Variants in ACTN4 observed in about 807,000 individuals in gnomAD.
ACTN4 encodes the protein actinin alpha 4, also known as alpha-actinin-4.
Under a neutral mutation model 114.2 loss-of-function variants are expected in ACTN4, and 18 were observed. The observed-to-expected ratio is 0.16, with a 90% CI of 0.11 to 0.23. The LOEUF (loss-of-function observed/expected upper bound fraction) is 0.23, where lower values mean the gene tolerates loss of function less well. Among genes scored for constraint, ACTN4 ranks in the 10% least tolerant of loss-of-function variants. ACTN4 has a pLI of 1.00. For missense variants in ACTN4, 722 were observed against 1,262.9 expected, an observed-to-expected ratio of 0.57 and a Z score of 6.49; for synonymous variants, 515 against 506.3, an observed-to-expected ratio of 1.02 and a Z score of -0.23.
chr19:38,701,139 C>T lies in ACTN4; in HGVS notation c.397+18C>T. On this transcript the variant is annotated intron_variant, in intron 3 of 20. Transcript: ENST00000252699. ...GGCAGAAGGTGAGCTGGAGGTGGGG[C>T]AGCGAGGGTCCTGCTCGGTTTCTGA... 6.2e-7 allele frequency: 1 copy of T among 1,613,660 alleles called. No homozygotes were observed.
At chr19:38,701,395 G>A (rs755085514) in intron 3 of ACTN4, among the ~76,000 whole-genome samples, 8 of 152,184 alleles carry the variant, frequency 5.3e-5, no homozygotes, top group Non-Finnish European at 7.4e-5. Flanking sequence ...TTCTGCAGGG[G>A]GAGGAATGGT....
chr19:38,700,817 G>T (rs1309582466), intron 2 of ACTN4, 103 bp downstream of exon 2: 9 of 1,383,466 alleles, frequency 6.5e-6, no homozygotes, highest in African/African-American at 2.9e-5. Context: ...TGCTCCTGGG[G>T]AGGAGAGGGC....
intron 12 of ACTN4, 27 bp downstream of exon 12, chr19:38,721,715 T>A (rs1209346451): frequency 4.4e-6 from 7 of 1,608,794 alleles, no homozygotes; most frequent in Non-Finnish European, 5.9e-6. Context: ...GACACTATCA[T>A]CACCTGGCTC....
chr19:38,721,389 G>A, intron 11 of ACTN4, 149 bp from the exon 12 acceptor site: 1 of 970,614 alleles, frequency 1.0e-6, no homozygotes, highest in Non-Finnish European at 1.6e-6. Context: ...TACGGAAGAA[G>A]ATTCTGGAAG....
chr19:38,705,402 C>T (rs573025185), intron 4 of ACTN4, among the ~76,000 whole-genome samples: 6 of 152,272 alleles, frequency 3.9e-5, no homozygotes, highest in African/African-American at 1.4e-4. Flanking sequence ...TGAAACTTGG[C>T]CCCCATGGAC....
chr19:38,718,211 G>T, intron 11 of ACTN4, 137 bp downstream of exon 11: 1 of 1,425,998 alleles, frequency 7.0e-7, no homozygotes, highest in Non-Finnish European at 9.6e-7. Flanking sequence ...TTGCTGCTTG[G>T]GAGCATGTGT....
intron 6 of ACTN4, among the ~76,000 whole-genome samples, chr19:38,708,762 A>C (rs913102321): frequency 2.0e-5 from 3 of 152,200 alleles, no homozygotes; most frequent in Non-Finnish European, 2.9e-5. Context: ...GCTGCGGAGG[A>C]GGCTAGTGTA....
intron 1 of ACTN4, among the ~76,000 whole-genome samples, chr19:38,699,854 G>A (rs752264596): frequency 2.0e-5 from 3 of 152,128 alleles, no homozygotes; most frequent in Non-Finnish European, 4.4e-5. Context: ...GAAGCCAGGC[G>A]ACACAGGCGT....
rs1968403094 is a variant in ACTN4, at chr19:38,704,856, G to A, written c.398-78G>A. ...GCCTTTCTCTAGATGGGGCTGGAAG[G>A]CCACCTTCAGGTTGGGCGGAGGAGC... On this transcript the variant is annotated intron_variant, in intron 3 of 20. Coordinates refer to ENST00000252699, the MANE Select transcript of ACTN4 (RefSeq NM_004924.6). 24 of 1,363,412 alleles carry A rather than the reference G, an allele frequency of 1.8e-5. No individual in the cohort carries two copies. In the South Asian group the frequency reaches 2.7e-4, roughly 15 times the overall value. The allele number at this position is 1,363,412 out of a possible 1,614,324, so 84.5% of individuals were successfully genotyped here. A position where few individuals can be genotyped will look rare whatever the true frequency, so the allele number is the denominator to read the frequency against.
intron 12 of ACTN4, among the ~76,000 whole-genome samples, chr19:38,722,262 G>C (rs1372123194): frequency 6.6e-6 from 1 of 152,214 alleles, no homozygotes; most frequent in Non-Finnish European, 1.5e-5. Flanking sequence ...GCGGCCAGCA[G>C]CAGGGCGGGC....
At chr19:38,719,007 C>G (rs1237499424) in intron 11 of ACTN4, among the ~76,000 whole-genome samples, 1 of 152,256 alleles carries the variant, frequency 6.6e-6, no homozygotes, top group East Asian at 1.9e-4. Flanking sequence ...CACCTCCCAT[C>G]CCTTCCCAGA....
intron 12 of ACTN4, 88 bp downstream of exon 12, chr19:38,721,776 G>A: frequency 2.5e-6 from 4 of 1,571,566 alleles, no homozygotes; most frequent in South Asian, 1.1e-5. Context: ...GGCCCAGCCT[G>A]CCTCAAGGCC....
At chr19:38,701,561 A>G (rs1006292559) in intron 3 of ACTN4, among the ~76,000 whole-genome samples, 2 of 152,304 alleles carry the variant, frequency 1.3e-5, no homozygotes, top group Middle Eastern at 3.4e-3. Flanking sequence ...CATGTCAGGC[A>G]TTGGGACAGG....
intron 1 of ACTN4, among the ~76,000 whole-genome samples, chr19:38,662,269 G>C (rs79915474): frequency 6.6e-6 from 1 of 152,290 alleles, no homozygotes; most frequent in African/African-American, 2.4e-5. Context: ...AGGGAGCTCT[G>C]GGCTATTGAT....
intron 1 of ACTN4, among the ~76,000 whole-genome samples, chr19:38,670,213 C>CA (rs1967086924): frequency 6.6e-6 from 1 of 152,188 alleles, no homozygotes; most frequent in South Asian, 2.1e-4. Context: ...TTGGGGATCA[C>CA]GTAACACCCT....
chr19:38,722,422 C>T (rs1318868495), intron 12 of ACTN4, among the ~76,000 whole-genome samples: 1 of 152,178 alleles, frequency 6.6e-6, no homozygotes, highest in African/African-American at 2.4e-5. Context: ...ACCACAGTCA[C>T]CCCCAAAGGT....
At chr19:38,668,860 C>T (rs978631832) in intron 1 of ACTN4, among the ~76,000 whole-genome samples, 1 of 152,090 alleles carries the variant, frequency 6.6e-6, no homozygotes, top group Non-Finnish European at 1.5e-5. Flanking sequence ...CCAATGTGCT[C>T]TGTGTGTCTC....
At position 38,730,827 on chromosome 19, in the gene ACTN4, C is replaced by T; in HGVS notation, c.*1395C>T. ...TCTTGCTCAGCAACCCTGCCCTGAG[C>T]AGCAGGTGCGCCCATCCGGAGATCC... On this transcript the variant is annotated 3_prime_UTR_variant, in exon 21 of 21. Transcript: ENST00000252699. 2.6e-6 allele frequency: 4 copies of T among 1,550,604 alleles called. No individual in the cohort carries two copies. Among genetic ancestry groups the T allele is most frequent in the Non-Finnish European group, 3.5e-6 (4 of 1,147,068 alleles).
rs1248372969 is a variant in ACTN4 at position 38,725,117 on chromosome 19, C to G, written c.2010+552C>G. Among the ~76,000 whole-genome samples the G allele has an allele frequency of 3.9e-5, 6 of 152,322 alleles. No homozygotes were observed. In the East Asian group the frequency reaches 9.6e-4, roughly 24 times the overall value. On this transcript the variant is annotated intron_variant, in intron 16 of 20. Transcript: ENST00000252699. ...AACAAATGCTTTTTGCACCAACTAACCAGCCACATGAGTGCTGTCATTCTT... is the reference window on the plus strand; with the variant it reads ...AACAAATGCTTTTTGCACCAACTAAGCAGCCACATGAGTGCTGTCATTCTT...
Sources: allele counts gnomAD v4.1 joint callset (sites outside exome capture counted in the v4.1 genomes callset), GRCh38; gene constraint gnomAD v4.1.1; transcripts MANE v1.5; gene names NCBI Gene and HGNC (gene_info 2026-07-23, HGNC 2026-07-21).